The following AGAP1 variants were observed in gnomAD, a reference collection of about 807,000 sequenced individuals.
The protein encoded by AGAP1 is ArfGAP with GTPase domain, ankyrin repeat and PH domain 1.
Under a neutral mutation model 105.3 loss-of-function variants are expected in AGAP1, and 29 were observed. The observed-to-expected ratio is 0.28, with a 90% confidence interval of 0.21 to 0.38. AGAP1 has a LOEUF of 0.38. AGAP1 is among the 10% of genes least tolerant of loss of function. AGAP1 has a pLI of 1.00. For missense variants in AGAP1, 998 were observed against 1,165.1 expected (o/e 0.86, Z 2.09); for synonymous variants, 509 against 485.9 (o/e 1.05, Z -0.63).
chr2:235,996,409 G>C (rs760403753), intron 13 of AGAP1, among the ~76,000 whole-genome samples: 6 of 152,188 alleles, frequency 3.9e-5, no homozygotes, highest in Non-Finnish European at 8.8e-5. Flanking sequence ...ACATAGTTAA[G>C]TTGTGCTGTA....
At chr2:235,954,628 A>G (rs139842405) in intron 12 of AGAP1, among the ~76,000 whole-genome samples, 1,878 of 151,044 alleles carry the variant, frequency 0.012, 24 homozygotes, top group Non-Finnish European at 0.019. Flanking sequence ...CCATGTTTGC[A>G]CGTTCTTTAG....
In AGAP1 at chr2:235,739,043, G is replaced by A. The variant is rs1952423184; in HGVS notation, c.311-1920G>A. Reference sequence around the variant, plus strand: ...CGACTTTTATTAAAGCAGGTTAAAAGAACCTTGGCAGAAATTTCAAATAAG... The same window carrying A: ...CGACTTTTATTAAAGCAGGTTAAAAAAACCTTGGCAGAAATTTCAAATAAG... On this transcript the variant is annotated intron_variant, in intron 3 of 17. Coordinates refer to ENST00000304032, the MANE Select transcript of AGAP1 (RefSeq NM_001037131.3). This position sits in a 1 kb window ranked among gnomAD's most constrained non-coding sequence, Gnocchi z 5.3. Among the ~76,000 whole-genome samples, 1 of 152,158 alleles carries A rather than the reference G, an allele frequency of 6.6e-6. No homozygotes were observed. Among genetic ancestry groups the A allele is most frequent in the African/African-American group, 2.4e-5 (1 of 41,412 alleles).
rs183458490 is a variant in AGAP1, at chr2:235,827,196, A to G, written c.1050+19865A>G. Among the ~76,000 whole-genome samples, 3 of 152,324 alleles carry G rather than the reference A, an allele frequency of 2.0e-5. No individual in the cohort carries two copies. The East Asian group carries it at 5.8e-4, about 29-fold the overall frequency. ...CTTTTACTTTCTGCTTCATACATGC[A>G]TCACGTGTTTGAATATACTTTCTAT... is the stretch of plus-strand genomic sequence containing the variant. On this transcript the variant is annotated intron_variant, in intron 9 of 17. Coordinates refer to ENST00000304032, the MANE Select transcript of AGAP1 (RefSeq NM_001037131.3).
At chr2:235,585,860 C>T (rs1298380153) in intron 1 of AGAP1, among the ~76,000 whole-genome samples, 5 of 152,106 alleles carry the variant, frequency 3.3e-5, no homozygotes, top group African/African-American at 1.2e-4. Flanking sequence ...GCTGTCTCGT[C>T]CTTTCTGTTT....
In AGAP1 at chr2:235,867,173, T is replaced by G. The variant is rs1215361618; in HGVS notation, c.1051-16172T>G. On this transcript the variant is annotated intron_variant, in intron 9 of 17. Coordinates refer to ENST00000304032, the MANE Select transcript of AGAP1 (RefSeq NM_001037131.3). The surrounding 1 kb of genome is among the most constrained non-coding windows in gnomAD (Gnocchi z 5.4). ...AAGAATTGAATTTGCCAATTTACAT[T>G]AAAGTTTCTGGCCTCTGATTGGGTC... is the stretch of plus-strand genomic sequence containing the variant. Among the ~76,000 whole-genome samples, 4 of 152,202 alleles carry G rather than the reference T, an allele frequency of 2.6e-5. No homozygotes were observed. The East Asian group carries it at 7.7e-4, about 29-fold the overall frequency.
At chr2:235,649,439 CTG>C (rs1380262736) in intron 1 of AGAP1, among the ~76,000 whole-genome samples, 2 of 152,210 alleles carry the variant, frequency 1.3e-5, no homozygotes, top group Non-Finnish European at 2.9e-5. Context: ...AGTGGTATGA[CTG>C]TAGCTCACTG....
chr2:235,846,628 A>G (rs2317002), intron 9 of AGAP1, among the ~76,000 whole-genome samples: 72,461 of 151,520 alleles, frequency 0.48, 19,568 homozygotes, highest in East Asian at 0.8. Flanking sequence ...ACTGTGCCCA[A>G]CCTATTTATT....
Position 235,935,874 on chromosome 2 carries a change from C to G in AGAP1, c.1483+4951C>G, listed in dbSNP as rs114204594. Among the ~76,000 whole-genome samples, 270 of 152,292 alleles carry G rather than the reference C, an allele frequency of 1.8e-3. 1 individual carries two copies. Among genetic ancestry groups the G allele is most frequent in the African/African-American group, 6.3e-3 (262 of 41,560 alleles). On this transcript the variant is annotated intron_variant, in intron 12 of 17. Coordinates refer to ENST00000304032, the MANE Select transcript of AGAP1 (RefSeq NM_001037131.3). ...TATGTGGCATACTTGGCCGTCCTGT[C>G]TTACTTCAAGACAAGATGCACGTTG...
At chr2:235,603,412 C>A (rs1283652932) in intron 1 of AGAP1, among the ~76,000 whole-genome samples, 1 of 152,154 alleles carries the variant, frequency 6.6e-6, no homozygotes, top group Non-Finnish European at 1.5e-5. Context: ...CTTGTCTGTG[C>A]ACCACTGCGG....
chr2:235,584,466 T>G (rs1376660083), intron 1 of AGAP1, among the ~76,000 whole-genome samples: 1 of 145,714 alleles, frequency 6.9e-6, no homozygotes, highest in Admixed American at 7.1e-5. Context: ...TAAGATGAGG[T>G]CATACTAGAT....
rs1243270930 is a variant in AGAP1, at chr2:235,635,640, C to CA, written c.164-73538dup. 1.3e-5 allele frequency among the ~76,000 whole-genome samples: 2 copies of CA among 152,116 alleles called. No homozygotes were observed. The highest frequency in any genetic ancestry group is 4.8e-5 in the African/African-American group (2 of 41,478). ...ATCAATGAGTTTTCTAGGGAGGCAT[C>CA]AGAGTTAGCCATGGCACCTTCTCCA... On this transcript the variant is annotated intron_variant, in intron 1 of 17. Coordinates refer to ENST00000304032, the MANE Select transcript of AGAP1 (RefSeq NM_001037131.3). This position sits in a 1 kb window ranked among gnomAD's most constrained non-coding sequence, Gnocchi z 5.3.
chr2:235,841,413 G>T (rs1367777700), intron 9 of AGAP1, among the ~76,000 whole-genome samples: 1 of 152,096 alleles, frequency 6.6e-6, no homozygotes, highest in African/African-American at 2.4e-5. Context: ...TGGATCCCTT[G>T]ACCCCAGGAG....
chr2:235,902,980 G>C (rs2051138107), intron 10 of AGAP1, among the ~76,000 whole-genome samples: 1 of 152,150 alleles, frequency 6.6e-6, no homozygotes, highest in African/African-American at 2.4e-5. Flanking sequence ...GACTAGTACA[G>C]TTTGGGGCTA....
chr2:235,995,526 A>G (rs912786774), intron 13 of AGAP1, among the ~76,000 whole-genome samples: 1 of 152,148 alleles, frequency 6.6e-6, no homozygotes, highest in African/African-American at 2.4e-5. Flanking sequence ...AAAAACAAAC[A>G]AAAGAAAGAA....
At position 235,931,927 on chromosome 2, in the gene AGAP1, G is replaced by A. The variant is rs1478998880; in HGVS notation, c.1483+1004G>A. Among the ~76,000 whole-genome samples, 1 of 152,116 alleles carries A rather than the reference G, an allele frequency of 6.6e-6. No individual in the cohort carries two copies. Among genetic ancestry groups the A allele is most frequent in the African/African-American group, 2.4e-5 (1 of 41,408 alleles). On this transcript the variant is annotated intron_variant, in intron 12 of 17. Transcript: ENST00000304032. This position sits in a 1 kb window ranked among gnomAD's most constrained non-coding sequence, Gnocchi z 5.6. ...GAGCAGACACACACAGCGTCACGCGGCTGCCCCGGCTGGCCCATTCCCATC... is the reference window on the plus strand; with the variant it reads ...GAGCAGACACACACAGCGTCACGCGACTGCCCCGGCTGGCCCATTCCCATC...
intron 6 of AGAP1, among the ~76,000 whole-genome samples, chr2:235,768,052 G>T (rs2696391): frequency 0.22 from 33,312 of 152,106 alleles, 4,651 homozygotes; most frequent in Admixed American, 0.38. Flanking sequence ...CTCCCACCGT[G>T]CTAGAATTAC....
chr2:235,547,777 G>A (rs568210832), intron 1 of AGAP1, among the ~76,000 whole-genome samples: 1 of 152,330 alleles, frequency 6.6e-6, no homozygotes, highest in South Asian at 2.1e-4. Context: ...ACAGGCGTGA[G>A]CCACCATGCC....
At position 235,557,447 on chromosome 2, in the gene AGAP1, A is replaced by T. The variant is rs915789691; in HGVS notation, c.163+62598A>T. 1.3e-5 allele frequency among the ~76,000 whole-genome samples: 2 copies of T among 152,232 alleles called. No homozygotes were observed. Among genetic ancestry groups the T allele is most frequent in the African/African-American group, 4.8e-5 (2 of 41,462 alleles). ...GGCTCTGGAGTCATCTTGATTTGGT[A>T]AAAGGCATGAAGTCTGAGTTCATTC... On this transcript the variant is annotated intron_variant, in intron 1 of 17. Coordinates refer to ENST00000304032, the MANE Select transcript of AGAP1 (RefSeq NM_001037131.3). This position sits in a 1 kb window ranked among gnomAD's most constrained non-coding sequence, Gnocchi z 4.7.
At chr2:236,094,662 A>G (rs2059149103) in intron 16 of AGAP1, among the ~76,000 whole-genome samples, 1 of 152,166 alleles carries the variant, frequency 6.6e-6, no homozygotes. Flanking sequence ...GAGCTGGAGA[A>G]ATTTTATCTT....
Sources: gnomAD v4.1 joint callset for allele counts (sites outside exome capture counted in the v4.1 genomes callset) on GRCh38, gnomAD v4.1.1 for gene constraint, Gnocchi (gnomAD v3.1) non-coding constraint, MANE v1.5 for transcripts, NCBI Gene and HGNC (gene_info 2026-07-23, HGNC 2026-07-21) for gene names.